The following VPS37A variants were observed in gnomAD, a reference collection of about 807,000 sequenced individuals.
VPS37A encodes the protein vacuolar protein sorting-associated protein 37A.
In VPS37A, 30 loss-of-function variants were observed where a neutral mutation model predicts 49.8. The observed-to-expected ratio is 0.60, with a 90% CI of 0.45 to 0.82. The LOEUF is 0.82. VPS37A is among the 40% of genes least tolerant of loss of function. VPS37A has a pLI of 0.00. For missense variants in VPS37A, 593 were observed against 464.4 expected, an observed-to-expected ratio of 1.28 and a Z score of -2.55; for synonymous variants, 195 against 160.6, an observed-to-expected ratio of 1.21 and a Z score of -1.62.
intron 1 of VPS37A, among the ~76,000 whole-genome samples, chr8:17,265,240 C>G (rs1813336805): frequency 6.6e-6 from 1 of 152,150 alleles, no homozygotes; most frequent in African/African-American, 2.4e-5. Context: ...GCAAAATGGG[C>G]TCATATCAGT....
chr8:17,325,376 G>A, the VPS37A span, among the ~76,000 whole-genome samples: 1 of 152,150 alleles, frequency 6.6e-6, no homozygotes, highest in East Asian at 1.9e-4. Context: ...CAAAACCTTT[G>A]CGTGGAAGAA....
At chr8:17,288,269 C>T (rs940456803) in intron 11 of VPS37A, among the ~76,000 whole-genome samples, 4 of 152,088 alleles carry the variant, frequency 2.6e-5, no homozygotes, top group African/African-American at 9.7e-5. Flanking sequence ...ATGTGCAGAA[C>T]GTACAGGTTT....
At chr8:17,319,547 G>A in the VPS37A span, among the ~76,000 whole-genome samples, 1 of 152,112 alleles carries the variant, frequency 6.6e-6, no homozygotes, top group African/African-American at 2.4e-5. Context: ...ACCTTGGTGG[G>A]TTTTACCAGA....
At chr8:17,302,003 G>A (rs1817148980), downstream of VPS37A, 1 of 1,009,460 alleles carries the variant, frequency 9.9e-7, no homozygotes. Flanking sequence ...GGTTATCTGA[G>A]TCCTGACCTG....
chr8:17,251,630 C>T (rs1811986985), intron 1 of VPS37A, among the ~76,000 whole-genome samples: 1 of 152,146 alleles, frequency 6.6e-6, no homozygotes, highest in African/African-American at 2.4e-5. Context: ...AAGTCCATTC[C>T]AGACAGTTAG....
chr8:17,312,373 G>A, the VPS37A span, among the ~76,000 whole-genome samples: 4 of 151,978 alleles, frequency 2.6e-5, no homozygotes, highest in South Asian at 2.1e-4. Flanking sequence ...TCAGGAGTCC[G>A]TGACCAGCCT....
chr8:17,309,650 T>C, the VPS37A span, among the ~76,000 whole-genome samples: 1 of 152,310 alleles, frequency 6.6e-6, no homozygotes, highest in East Asian at 1.9e-4. Flanking sequence ...CTCACTCTTT[T>C]AGAAGGGGAA....
At chr8:17,253,762 A>T (rs1812186616) in intron 1 of VPS37A, among the ~76,000 whole-genome samples, 1 of 152,040 alleles carries the variant, frequency 6.6e-6, no homozygotes, top group Non-Finnish European at 1.5e-5. Context: ...GTGTTCTATT[A>T]AAAAAATGTG....
intron 4 of VPS37A, chr8:17,271,986 A>G (rs1427027234): frequency 4.4e-6 from 2 of 456,744 alleles, no homozygotes; most frequent in Non-Finnish European, 8.8e-6. Flanking sequence ...CTCACATTTT[A>G]CTACAGCCAG....
rs1380804614 is a variant in VPS37A at position 17,297,884 on chromosome 8, T to C, written c.*2898T>C. ...GACGAACATGTTACATAAATTATAA[T>C]GTCTGTCTTGTAAAAAAGTTGAGGG... On this transcript the variant is annotated 3_prime_UTR_variant, in exon 12 of 12. Transcript: ENST00000324849. 1.3e-5 allele frequency: 2 copies of C among 152,060 alleles called. No homozygotes were observed. Among genetic ancestry groups the C allele is most frequent in the African/African-American group, 4.8e-5 (2 of 41,434 alleles). 9.4% of individuals were successfully genotyped at this position (152,060 alleles called of 1,614,324 possible). A position where few individuals can be genotyped will look rare whatever the true frequency, so the allele number is the denominator to read the frequency against.
chr8:17,305,737 A>G, downstream of VPS37A: 1 of 1,579,422 alleles, frequency 6.3e-7, no homozygotes, highest in Non-Finnish European at 8.7e-7. Context: ...GTTAAACACC[A>G]AAAACACCAA....
At chr8:17,302,065 A>G, downstream of VPS37A, 1 of 1,535,222 alleles carries the variant, frequency 6.5e-7, no homozygotes, top group African/African-American at 1.4e-5. Flanking sequence ...AAATATTTGT[A>G]TTGCACTGAA....
At chr8:17,267,364 A>G (rs1813566933) in intron 2 of VPS37A, among the ~76,000 whole-genome samples, 1 of 152,226 alleles carries the variant, frequency 6.6e-6, no homozygotes, top group Non-Finnish European at 1.5e-5. Context: ...CTTGAGTTTT[A>G]GAGATTTGGA....
At chr8:17,293,768 A>G (rs1816359656) in intron 11 of VPS37A, among the ~76,000 whole-genome samples, 1 of 152,162 alleles carries the variant, frequency 6.6e-6, no homozygotes, top group Non-Finnish European at 1.5e-5. Flanking sequence ...TTGCCTGGGT[A>G]TCACCAGCGG....
chr8:17,329,847 C>G, the VPS37A span, among the ~76,000 whole-genome samples: 1 of 152,156 alleles, frequency 6.6e-6, no homozygotes, highest in African/African-American at 2.4e-5. Context: ...TCACTGTGAC[C>G]TGAGACAATG....
intron 11 of VPS37A, among the ~76,000 whole-genome samples, chr8:17,288,059 T>G (rs1406246174): frequency 6.6e-6 from 1 of 152,206 alleles, no homozygotes; most frequent in African/African-American, 2.4e-5. Flanking sequence ...TTCCAAATCA[T>G]ACTATAAATT....
chr8:17,288,411 C>T (rs755774032), intron 11 of VPS37A, among the ~76,000 whole-genome samples: 1 of 152,072 alleles, frequency 6.6e-6, no homozygotes, highest in Non-Finnish European at 1.5e-5. Flanking sequence ...GTGATGTTCC[C>T]TCCTTGTGCC....
At chr8:17,285,944 C>A (rs1815547102) in intron 10 of VPS37A, among the ~76,000 whole-genome samples, 1 of 152,064 alleles carries the variant, frequency 6.6e-6, no homozygotes, top group Non-Finnish European at 1.5e-5. Flanking sequence ...TCTTAGCTGT[C>A]GTCAACATTA....
At chr8:17,309,425 G>C in the VPS37A span, 1 of 825,584 alleles carries the variant, frequency 1.2e-6, no homozygotes, top group South Asian at 1.4e-5. Context: ...ACTTGCAGAA[G>C]TCCCCATCCT....
Sources: gnomAD v4.1 joint callset for allele counts (sites outside exome capture counted in the v4.1 genomes callset) on GRCh38, gnomAD v4.1.1 for gene constraint, MANE v1.5 for transcripts, NCBI Gene and HGNC (gene_info 2026-07-23, HGNC 2026-07-21) for gene names.